Variants in RORA observed in about 807,000 individuals in gnomAD.
RORA encodes nuclear receptor ROR-alpha.
Under a neutral mutation model 69.5 loss-of-function variants are expected in RORA, and 7 were observed. The observed-to-expected ratio is 0.10, with a 90% confidence interval of 0.06 to 0.19. The LOEUF is 0.19. Ranked by LOEUF, RORA falls within the 10% of genes least tolerant of loss-of-function variation. RORA has a pLI of 1.00. For synonymous variants in RORA, 261 were observed against 240.8 expected (o/e 1.08, Z -0.78); for missense variants, 457 against 663.0 (o/e 0.69, Z 3.41).
chr15:60,596,829 C>T (rs567022435), intron 2 of RORA, among the ~76,000 whole-genome samples: 2 of 152,168 alleles, frequency 1.3e-5, no homozygotes, highest in South Asian at 4.1e-4. Flanking sequence ...CATGAAATAT[C>T]GTGAAATAGA....
At chr15:60,939,608 C>T (rs746613970) in intron 1 of RORA, among the ~76,000 whole-genome samples, 1 of 152,218 alleles carries the variant, frequency 6.6e-6, no homozygotes, top group Non-Finnish European at 1.5e-5. Flanking sequence ...ACAGGGCGGC[C>T]GTGTCGGCCA....
intron 1 of RORA, among the ~76,000 whole-genome samples, chr15:60,826,777 CTCTCTCTCTCTCTTTTTTT>C (rs1167869696): frequency 2.4e-4 from 27 of 113,780 alleles, no homozygotes; most frequent in Non-Finnish European, 4.7e-4. Flanking sequence ...CTCTCTCTCT[CTCTCTCTCTCTCTTTTTTT>C]TTTAAAGACA....
intron 2 of RORA, among the ~76,000 whole-genome samples, chr15:60,575,757 T>C (rs1261982141): frequency 1.3e-5 from 2 of 152,228 alleles, no homozygotes; most frequent in Non-Finnish European, 2.9e-5. Context: ...GCTTATAAAA[T>C]TTATTGTTTA....
At chr15:60,556,477 G>A (rs2067362052) in intron 2 of RORA, among the ~76,000 whole-genome samples, 1 of 152,138 alleles carries the variant, frequency 6.6e-6, no homozygotes, top group Admixed American at 6.5e-5. Context: ...AGAGAACTAA[G>A]GCAGTTACCT....
At chr15:60,926,030 G>A (rs1231155877) in intron 1 of RORA, among the ~76,000 whole-genome samples, 1 of 152,196 alleles carries the variant, frequency 6.6e-6, no homozygotes, top group East Asian at 1.9e-4. Flanking sequence ...GGAGGATAGA[G>A]TAGATTGAAT....
At chr15:60,900,263 G>A (rs1891349705) in intron 1 of RORA, among the ~76,000 whole-genome samples, 2 of 144,860 alleles carry the variant, frequency 1.4e-5, no homozygotes, top group South Asian at 2.1e-4. Context: ...GAATTAAAAT[G>A]TATGCTCACA....
intron 1 of RORA, among the ~76,000 whole-genome samples, chr15:60,930,189 A>G (rs1192036755): frequency 6.6e-6 from 1 of 152,160 alleles, no homozygotes; most frequent in Non-Finnish European, 1.5e-5. Context: ...ATCATTCTGC[A>G]TAGTAGATAC....
intron 1 of RORA, among the ~76,000 whole-genome samples, chr15:61,040,155 TATATATATAAA>T (rs1896686454): frequency 6.0e-5 from 7 of 116,870 alleles, no homozygotes; most frequent in Admixed American, 1.6e-4. Flanking sequence ...TATATATATA[TATATATATAAA>T]ATATATGAAA....
rs901493782 is a variant in RORA, at chr15:60,491,912, G to C, written c.*5543C>G. 3 of 152,102 alleles carry C rather than the reference G, an allele frequency of 2.0e-5. No homozygotes were observed. Among genetic ancestry groups the C allele is most frequent in the Non-Finnish European group, 4.4e-5 (3 of 68,012 alleles). 9.4% of individuals were successfully genotyped at this position (152,102 alleles called of 1,614,324 possible). On this transcript the variant is annotated 3_prime_UTR_variant, in exon 11 of 11. Coordinates refer to ENST00000335670, the MANE Select transcript of RORA (RefSeq NM_134261.3). ...TCTTACCAATAGATCAAGATTTACTGTTGCAATTGCGTTTCTGGGCACATT... is the reference window on the plus strand; with the variant it reads ...TCTTACCAATAGATCAAGATTTACTCTTGCAATTGCGTTTCTGGGCACATT...
intron 1 of RORA, among the ~76,000 whole-genome samples, chr15:61,183,909 T>C (rs1309917118): frequency 1.3e-5 from 2 of 152,126 alleles, no homozygotes; most frequent in Non-Finnish European, 2.9e-5. Context: ...ACACGCCTTG[T>C]CTAACCTTTC....
rs2141276268 is a variant in RORA at position 60,503,521 on chromosome 15, T to C, written c.1075+14A>G. 1 of 1,613,428 alleles carries C rather than the reference T, an allele frequency of 6.2e-7. No individual in the cohort carries two copies. Among genetic ancestry groups the C allele is most frequent in the African/African-American group, 1.3e-5 (1 of 75,044 alleles). ...TTAGGAAGAGATCTCAAAATTCACT[T>C]GCAAAGCACATACCTGCTTTTAGAA... On this transcript the variant is annotated intron_variant, in intron 7 of 10. Transcript: ENST00000335670.
intron 1 of RORA, among the ~76,000 whole-genome samples, chr15:60,823,930 C>T (rs341377): frequency 6.6e-6 from 1 of 151,970 alleles, no homozygotes; most frequent in Non-Finnish European, 1.5e-5. Flanking sequence ...CATATTAATA[C>T]ATTTTTTTTG....
intron 1 of RORA, among the ~76,000 whole-genome samples, chr15:60,779,917 C>T (rs955825913): frequency 6.6e-6 from 1 of 152,218 alleles, no homozygotes; most frequent in Non-Finnish European, 1.5e-5. Flanking sequence ...ACTCAGATTT[C>T]AGCCTTCCCT....
intron 1 of RORA, among the ~76,000 whole-genome samples, chr15:60,893,008 G>A (rs181246441): frequency 6.6e-6 from 1 of 152,298 alleles, no homozygotes; most frequent in Non-Finnish European, 1.5e-5. Context: ...GTGAGAGTTT[G>A]GGATTCCAGA....
intron 1 of RORA, among the ~76,000 whole-genome samples, chr15:61,165,532 T>A (rs1196429305): frequency 6.6e-6 from 1 of 152,194 alleles, no homozygotes; most frequent in Non-Finnish European, 1.5e-5. Flanking sequence ...ACTTTTACCC[T>A]AAAGAAATTC....
intron 3 of RORA, chr15:60,530,028 A>C (rs996661449): frequency 6.6e-6 from 1 of 152,340 alleles, no homozygotes; most frequent in Non-Finnish European, 1.5e-5. Context: ...CGCAATGCAC[A>C]AAAAGCACTG....
rs138260136 is a variant in RORA, at chr15:60,527,838, C to T, written c.282+3928G>A. The stretch of plus-strand genomic sequence containing the variant: ...TGCTTCAATCAAACTGAGTTATGTG[C>T]TGTCCCCTAAATACAACCAAGACTG... On this transcript the variant is annotated intron_variant, in intron 3 of 10. Coordinates refer to ENST00000335670, the MANE Select transcript of RORA (RefSeq NM_134261.3). Among the ~76,000 whole-genome samples the T allele has an allele frequency of 2.5e-3, 378 of 152,298 alleles. 6 individuals carry two copies. Among genetic ancestry groups the T allele is most frequent in the Admixed American group, 0.022 (333 of 15,298 alleles).
chr15:61,152,471 TTACA>T (rs10530795), intron 1 of RORA, among the ~76,000 whole-genome samples: 73,395 of 149,544 alleles, frequency 0.49, 19,147 homozygotes, highest in Non-Finnish European at 0.59. Flanking sequence ...TATTTAAATG[TTACA>T]TAATCATATA....
At chr15:60,949,213 G>A (rs1171214139) in intron 1 of RORA, among the ~76,000 whole-genome samples, 3 of 152,046 alleles carry the variant, frequency 2.0e-5, no homozygotes, top group Non-Finnish European at 4.4e-5. Context: ...ACAGCCTAAC[G>A]TGTTGAGGCA....
Sources: gnomAD v4.1 joint callset for allele counts (sites outside exome capture counted in the v4.1 genomes callset) on GRCh38, gnomAD v4.1.1 for gene constraint, MANE v1.5 for transcripts, NCBI Gene and HGNC (gene_info 2026-07-23, HGNC 2026-07-21) for gene names.